The following CCND3 variants were observed in gnomAD, a reference collection of about 807,000 sequenced individuals.
CCND3 encodes the protein G1/S-specific cyclin-D3.
A neutral mutation model predicts 28.7 loss-of-function variants in CCND3; 9 were observed. The ratio of observed to expected loss-of-function variants is 0.31; its 90% CI spans 0.19 to 0.55. The LOEUF (loss-of-function observed/expected upper bound fraction) is 0.55, where lower values mean the gene tolerates loss of function less well. Ranked by LOEUF, CCND3 falls within the 20% of genes least tolerant of loss-of-function variation. The pLI, the probability that CCND3 is intolerant of heterozygous loss-of-function variation, is 0.93. For missense variants in CCND3, 315 were observed against 385.8 expected (o/e 0.82, Z 1.54); for synonymous variants, 164 against 163.9 (o/e 1.00, Z 0.00).
chr6:41,990,062 C>T (rs367747386), intron 1 of CCND3, among the ~76,000 whole-genome samples: 1 of 152,010 alleles, frequency 6.6e-6, no homozygotes, highest in East Asian at 1.9e-4. Context: ...ATAGAAAAAG[C>T]TAAAGACTAC....
At chr6:41,996,342 G>T (rs1272601914) in intron 1 of CCND3, among the ~76,000 whole-genome samples, 1 of 151,474 alleles carries the variant, frequency 6.6e-6, no homozygotes, top group Non-Finnish European at 1.5e-5. Context: ...TAGAGATGGG[G>T]TTTCACCATG....
intron 1 of CCND3, among the ~76,000 whole-genome samples, chr6:42,028,047 G>A (rs761856243): frequency 7.2e-5 from 11 of 152,260 alleles, no homozygotes; most frequent in Admixed American, 3.9e-4. Context: ...ACGCCCGGCC[G>A]CCCGTTATGA....
chr6:42,021,435 G>C (rs1474933248), intron 1 of CCND3, among the ~76,000 whole-genome samples: 1 of 152,158 alleles, frequency 6.6e-6, no homozygotes, highest in Non-Finnish European at 1.5e-5. Context: ...ACACGGACGG[G>C]CCCAAAGGCA....
chr6:41,948,111 C>T (rs745713884), intron 1 of CCND3, among the ~76,000 whole-genome samples: 1 of 150,324 alleles, frequency 6.7e-6, no homozygotes, highest in African/African-American at 2.4e-5. Flanking sequence ...AGTTGCATTC[C>T]TCTTACAGCC....
intron 1 of CCND3, among the ~76,000 whole-genome samples, chr6:42,040,893 T>A (rs62415892): frequency 6.7e-6 from 1 of 148,158 alleles, no homozygotes; most frequent in Non-Finnish European, 1.5e-5. Context: ...AAAAAAAACC[T>A]CATAGAATAT....
rs67939325 is a variant in CCND3, at chr6:41,990,660, A to ATTTTTTTTTTTTTTTTTTTTTTT, written c.-45-50098_-45-50076dup. Among the ~76,000 whole-genome samples, 4 of 121,276 alleles carry ATTTTTTTTTTTTTTTTTTTTTTT rather than the reference A, an allele frequency of 3.3e-5. 2 individuals carry two copies. Among genetic ancestry groups the ATTTTTTTTTTTTTTTTTTTTTTT allele is most frequent in the Non-Finnish European group, 3.3e-5 (2 of 60,716 alleles). The allele number at this position is 121,276 out of a possible 152,430, so 79.6% of individuals were successfully genotyped here. On this transcript the variant is annotated intron_variant, in intron 1 of 4. Transcript: ENST00000372988. ...TAGTCCATGAATCTATAACCAACTG[A>ATTTTTTTTTTTTTTTTTTTTTTT]TTTTTTTTTTTTTTTTTTTTTTTTT...
intron 1 of CCND3, among the ~76,000 whole-genome samples, chr6:41,964,947 T>G (rs1582113954): frequency 6.6e-6 from 1 of 152,140 alleles, no homozygotes; most frequent in East Asian, 1.9e-4. Context: ...TAGTCCAGGA[T>G]GACTCTAGGA....
rs1054112242 is a variant in CCND3, at chr6:41,980,519, A to T, written c.-45-39934T>A. Among the ~76,000 whole-genome samples, 3 of 2,952 alleles carry T rather than the reference A, an allele frequency of 1.0e-3. No individual in the cohort carries two copies. In the Non-Finnish European group the frequency reaches 0.015, roughly 15 times the overall value. The allele number at this position is 2,952 out of a possible 152,430, so 1.9% of individuals were successfully genotyped here. On this transcript the variant is annotated intron_variant, in intron 1 of 4. Coordinates refer to the CCND3 transcript ENST00000372988. ...CTTTCAGAAGACAGAGGCAGAGGAA[A>T]TCCTTAACTCATTCTATAAGGCCAG...
chr6:41,957,187 A>G (rs1487919949), intron 1 of CCND3, among the ~76,000 whole-genome samples: 1 of 152,240 alleles, frequency 6.6e-6, no homozygotes, highest in Non-Finnish European at 1.5e-5. Flanking sequence ...CCTCCCAGAG[A>G]GCCTCATCTT....
At chr6:41,970,718 C>T (rs867815696) in intron 1 of CCND3, among the ~76,000 whole-genome samples, 1 of 152,186 alleles carries the variant, frequency 6.6e-6, no homozygotes, top group Non-Finnish European at 1.5e-5. Context: ...TACACCCATG[C>T]GCTTCCACGT....
chr6:41,935,924 G>T lies in CCND3; in HGVS notation c.*16C>A. On this transcript the variant is annotated 3_prime_UTR_variant, in exon 5 of 5. Transcript: ENST00000372991. ...CCTCCTCTGCTTAGTGGCCACTCCA[G>T]AGGGCCTCTCCAGGGCTACAGGTGT... 6.2e-7 allele frequency: 1 copy of T among 1,600,998 alleles called. No individual in the cohort carries two copies. Among genetic ancestry groups the T allele is most frequent in the Admixed American group, 1.7e-5 (1 of 57,300 alleles).
At chr6:42,037,770 C>T (rs186716796) in intron 1 of CCND3, among the ~76,000 whole-genome samples, 19 of 151,876 alleles carry the variant, frequency 1.3e-4, no homozygotes, top group Admixed American at 3.3e-4. Flanking sequence ...TAGTGGCATG[C>T]GCCTGTAATC....
intron 1 of CCND3, among the ~76,000 whole-genome samples, chr6:41,959,108 A>C (rs955627887): frequency 6.6e-6 from 1 of 152,108 alleles, no homozygotes; most frequent in African/African-American, 2.4e-5. Flanking sequence ...TGAGGTCAGG[A>C]GTTCGAGACC....
At chr6:42,020,239 G>A (rs1159102647) in intron 1 of CCND3, among the ~76,000 whole-genome samples, 1 of 151,950 alleles carries the variant, frequency 6.6e-6, no homozygotes, top group East Asian at 1.9e-4. Context: ...CAGAGATCGT[G>A]CCACTGCACT....
At chr6:41,951,283 C>T (rs369061895) in intron 1 of CCND3, among the ~76,000 whole-genome samples, 2 of 150,922 alleles carry the variant, frequency 1.3e-5, no homozygotes, top group African/African-American at 4.9e-5. Flanking sequence ...AGGCCAGGCG[C>T]GGTGGCTCAC....
In CCND3 at chr6:41,936,084, C is replaced by T; in HGVS notation, c.735G>A (p.Glu245=). 6.2e-7 allele frequency: 1 copy of T among 1,602,458 alleles called. No homozygotes were observed. Among genetic ancestry groups the T allele is most frequent in the African/African-American group, 1.3e-5 (1 of 74,746 alleles). Residue 245 remains glutamate, a synonymous_variant, in exon 5 of 5, where the codon GAG becomes GAA. Coordinates refer to ENST00000372991, the MANE Select transcript of CCND3 (RefSeq NM_001760.5). This position sits in a 1 kb window ranked among gnomAD's most constrained non-coding sequence, Gnocchi z 4.4. ...TCTCCCTGAGTGCAGCTTCGATCTG[C>T]TCCTGACAGGCCCGCAGGCAGTCCT... ...TEVDCLRACQ[E]QIEAALRESL...
intron 1 of CCND3, among the ~76,000 whole-genome samples, chr6:42,047,182 T>C (rs1334061048): frequency 1.3e-5 from 2 of 152,180 alleles, no homozygotes; most frequent in African/African-American, 4.8e-5. Flanking sequence ...GAGGTCATGA[T>C]CTCAATAACT....
At position 41,940,602 on chromosome 6, in the gene CCND3, A is replaced by C; in HGVS notation, c.199-17T>G. On this transcript the variant is annotated splice_polypyrimidine_tract_variant and intron_variant, in intron 1 of 4. Transcript: ENST00000372991. The stretch of plus-strand genomic sequence containing the variant: ...CTCACATACCTGGGGGAGGGCGCAC[A>C]GTCACTGCTGGGTCTGGAGCGTGGG... 1 of 1,536,286 alleles carries C rather than the reference A, an allele frequency of 6.5e-7. No homozygotes were observed. The highest frequency in any genetic ancestry group is 2.5e-5 in the East Asian group (1 of 40,278).
intron 1 of CCND3, among the ~76,000 whole-genome samples, chr6:41,976,910 G>A (rs1429738954): frequency 1.3e-5 from 2 of 152,148 alleles, no homozygotes; most frequent in African/African-American, 4.8e-5. Flanking sequence ...GCTGCTGTTT[G>A]TTCAGGGTCA....
Sources: gnomAD v4.1 joint callset for allele counts (sites outside exome capture counted in the v4.1 genomes callset) on GRCh38, gnomAD v4.1.1 for gene constraint, Gnocchi (gnomAD v3.1) non-coding constraint, MANE v1.5 for transcripts, NCBI Gene and HGNC (gene_info 2026-07-23, HGNC 2026-07-21) for gene names.